Variants in DENND1A observed in about 807,000 individuals in gnomAD.
DENND1A encodes the protein DENN domain containing 1A, also known as DENN domain-containing protein 1A.
DENND1A carries 51 observed loss-of-function variants against 113.7 expected under a neutral mutation model. The observed-to-expected ratio is 0.45, with a 90% CI of 0.36 to 0.57. The LOEUF is 0.57. Ranked by LOEUF, DENND1A falls within the 20% of genes least tolerant of loss-of-function variation. DENND1A has a pLI of 0.00. For synonymous variants in DENND1A, 565 were observed against 570.8 expected (o/e 0.99, Z 0.14); for missense variants, 1,258 against 1,395.9 (o/e 0.90, Z 1.57).
intron 21 of DENND1A, among the ~76,000 whole-genome samples, chr9:123,392,374 C>T (rs2042902291): frequency 6.6e-6 from 1 of 152,162 alleles, no homozygotes; most frequent in Non-Finnish European, 1.5e-5. Flanking sequence ...AAAAATCAGC[C>T]AGGACTTGGT....
chr9:123,429,554 CA>C (rs1196460854), intron 19 of DENND1A, among the ~76,000 whole-genome samples: 1 of 151,820 alleles, frequency 6.6e-6, no homozygotes, highest in South Asian at 2.1e-4. Flanking sequence ...GGCTCTGTCT[CA>C]AAAAAACAAA....
chr9:123,573,547 G>A (rs889735685), intron 12 of DENND1A, among the ~76,000 whole-genome samples: 2 of 151,812 alleles, frequency 1.3e-5, no homozygotes, highest in Non-Finnish European at 2.9e-5. Flanking sequence ...AGTATTTTGT[G>A]TTTTGTATGC....
Position 123,463,720 on chromosome 9 carries a change from G to T in DENND1A, c.994-5823C>A, listed in dbSNP as rs139396548. Among the ~76,000 whole-genome samples the T allele has an allele frequency of 5.7e-3, 863 of 152,070 alleles. 4 individuals carry two copies. Among genetic ancestry groups the T allele is most frequent in the Non-Finnish European group, 9.4e-3 (639 of 67,954 alleles). ...ATGTCAGGAGTTCAAGACCAGCCTG[G>T]CCAACATGGTGAAACCCCATCTCTA... On this transcript the variant is annotated intron_variant, in intron 13 of 23. Transcript: ENST00000394215.
intron 1 of DENND1A, among the ~76,000 whole-genome samples, chr9:123,902,893 T>G (rs1273632080): frequency 1.3e-5 from 2 of 150,442 alleles, no homozygotes; most frequent in Admixed American, 6.6e-5. Context: ...AAATCTCTTA[T>G]GAATACAGAT....
At chr9:123,591,273 C>T (rs1273501485) in intron 11 of DENND1A, among the ~76,000 whole-genome samples, 5 of 152,272 alleles carry the variant, frequency 3.3e-5, no homozygotes, top group Middle Eastern at 3.4e-3. Flanking sequence ...CAGATTGGTG[C>T]GGGGGAGTGT....
intron 5 of DENND1A, among the ~76,000 whole-genome samples, chr9:123,696,156 A>G (rs529302791): frequency 6.6e-6 from 1 of 152,358 alleles, no homozygotes; most frequent in African/African-American, 2.4e-5. Context: ...TATTCTGCCA[A>G]GCCATTCAAT....
intron 12 of DENND1A, among the ~76,000 whole-genome samples, chr9:123,572,818 CTTTTTTATTTA>C (rs1298976374): frequency 6.6e-6 from 1 of 152,084 alleles, no homozygotes; most frequent in Non-Finnish European, 1.5e-5. Flanking sequence ...CAATTTATCA[CTTTTTTATTTA>C]TGATGTGTGC....
chr9:123,923,339 G>C (rs773955954), intron 1 of DENND1A, among the ~76,000 whole-genome samples: 10 of 152,292 alleles, frequency 6.6e-5, no homozygotes, highest in Non-Finnish European at 1.3e-4. Context: ...ACGATGGAGA[G>C]CTTGGTCTTC....
At chr9:123,929,230 G>A (rs1857592485) in intron 1 of DENND1A, among the ~76,000 whole-genome samples, 1 of 152,196 alleles carries the variant, frequency 6.6e-6, no homozygotes, top group South Asian at 2.1e-4. Context: ...AATGAGTGAG[G>A]GAATTCGCCA....
chr9:123,396,823 G>A (rs1035864662), intron 21 of DENND1A, among the ~76,000 whole-genome samples: 1 of 152,170 alleles, frequency 6.6e-6, no homozygotes, highest in Admixed American at 6.5e-5. Context: ...TGTTTCTCTG[G>A]GTCCCTCAGA....
chr9:123,713,958 A>T (rs2066805551), intron 5 of DENND1A, among the ~76,000 whole-genome samples: 1 of 152,164 alleles, frequency 6.6e-6, no homozygotes, highest in Non-Finnish European at 1.5e-5. Context: ...AAAAAAAATC[A>T]CAAATTATGC....
intron 10 of DENND1A, among the ~76,000 whole-genome samples, chr9:123,615,638 C>G (rs2060616745): frequency 6.6e-6 from 1 of 152,204 alleles, no homozygotes; most frequent in Admixed American, 6.5e-5. Context: ...TGAAGCCATG[C>G]TGCCTGCCTC....
At chr9:123,822,816 G>A (rs1186888209) in intron 2 of DENND1A, among the ~76,000 whole-genome samples, 2 of 152,052 alleles carry the variant, frequency 1.3e-5, no homozygotes, top group African/African-American at 4.8e-5. Context: ...TTCACTTCAA[G>A]ACCCATTAAA....
intron 19 of DENND1A, among the ~76,000 whole-genome samples, chr9:123,420,067 A>T (rs925744887): frequency 6.6e-6 from 1 of 152,206 alleles, no homozygotes; most frequent in Non-Finnish European, 1.5e-5. Flanking sequence ...CTAGAGGGAT[A>T]TTCCTTGCAA....
chr9:123,650,261 A>G (rs746481259), intron 9 of DENND1A, among the ~76,000 whole-genome samples: 9 of 152,234 alleles, frequency 5.9e-5, no homozygotes, highest in African/African-American at 1.2e-4. Flanking sequence ...CATACTAGGC[A>G]ATTAAAAAAA....
intron 13 of DENND1A, among the ~76,000 whole-genome samples, chr9:123,520,986 C>G (rs2772214): frequency 6.6e-6 from 1 of 152,126 alleles, no homozygotes; most frequent in Admixed American, 6.5e-5. Context: ...AAACTACATT[C>G]AAATAAAAAG....
intron 13 of DENND1A, among the ~76,000 whole-genome samples, chr9:123,533,921 A>G (rs749716951): frequency 1.6e-4 from 24 of 152,346 alleles, no homozygotes; most frequent in Non-Finnish European, 3.4e-4. Context: ...AGATCCTTGG[A>G]AAGTTTGAAA....
In DENND1A at chr9:123,582,308, A is replaced by AAGAGG. The variant is rs1260119630; in HGVS notation, c.867+856_867+860dup. On this transcript the variant is annotated intron_variant, in intron 12 of 23. Coordinates refer to ENST00000394215, the MANE Select transcript of DENND1A (RefSeq NM_001352964.2). ...GGCGAGACTCTCAGACTCCCACAGG[A>AAGAGG]AGAGGAGAGGTCTGGACACTAAGGT... is the stretch of plus-strand genomic sequence containing the variant. Among the ~76,000 whole-genome samples, 11 of 152,302 alleles carry AAGAGG rather than the reference A, an allele frequency of 7.2e-5. No homozygotes were observed. In the East Asian group the frequency reaches 2.1e-3, roughly 29 times the overall value.
chr9:123,778,787 C>T (rs997872008), intron 3 of DENND1A, among the ~76,000 whole-genome samples: 2 of 152,124 alleles, frequency 1.3e-5, no homozygotes, highest in Non-Finnish European at 2.9e-5. Flanking sequence ...AGCCTGGCCA[C>T]ACCGCATAAC....
Sources: gnomAD v4.1 joint callset for allele counts (sites outside exome capture counted in the v4.1 genomes callset) on GRCh38, gnomAD v4.1.1 for gene constraint, MANE v1.5 for transcripts, NCBI Gene and HGNC (gene_info 2026-07-23, HGNC 2026-07-21) for gene names.